The following AGAP3 variants were observed in gnomAD, a reference collection of about 807,000 sequenced individuals.
AGAP3 encodes the protein ArfGAP with GTPase domain, ankyrin repeat and PH domain 3.
AGAP3 carries 24 observed loss-of-function variants against 96.9 expected under a neutral mutation model. The observed-to-expected ratio is 0.25, with a 90% CI of 0.18 to 0.35. The LOEUF is 0.35. Among genes scored for constraint, AGAP3 ranks in the 10% least tolerant of loss-of-function variants. AGAP3 has a pLI of 1.00. For missense variants in AGAP3, 876 were observed against 1,254.2 expected (o/e 0.70, Z 4.55); for synonymous variants, 563 against 536.1 (o/e 1.05, Z -0.69).
intron 12 of AGAP3, among the ~76,000 whole-genome samples, chr7:151,138,563 C>T (rs916631158): frequency 1.3e-5 from 2 of 152,168 alleles, no homozygotes; most frequent in East Asian, 3.9e-4. Flanking sequence ...TTCCCCAGAG[C>T]CCCCATCTGC....
chr7:151,087,102 G>A, intron 1 of AGAP3, 30 bp downstream of exon 1: 4 of 1,565,708 alleles, frequency 2.6e-6, no homozygotes, highest in Non-Finnish European at 3.5e-6. Context: ...GCGGGAGCCG[G>A]GGCGCAGTGG....
intron 1 of AGAP3, chr7:151,115,410 G>A: frequency 2.0e-6 from 2 of 1,008,958 alleles, no homozygotes; most frequent in Non-Finnish European, 2.4e-6. Flanking sequence ...GCCGCCGCGC[G>A]CGCGCACCCG....
At chr7:151,115,056 G>A in intron 1 of AGAP3, 1 of 1,009,602 alleles carries the variant, frequency 9.9e-7, no homozygotes, top group Non-Finnish European at 1.2e-6. Context: ...GGGACCGCCC[G>A]TCTCGCCTGC....
chr7:151,089,321 G>A (rs750786125), intron 1 of AGAP3, among the ~76,000 whole-genome samples: 13 of 152,176 alleles, frequency 8.5e-5, no homozygotes, highest in Non-Finnish European at 1.3e-4. Flanking sequence ...GGGCGTTTCC[G>A]AGCACAGTCT....
chr7:151,118,267 C>T lies in AGAP3; in HGVS notation c.764C>T (p.Ser255Phe). 6.2e-7 allele frequency: 1 copy of T among 1,613,694 alleles called. No individual in the cohort carries two copies. Among genetic ancestry groups the T allele is most frequent in the African/African-American group, 1.3e-5 (1 of 75,046 alleles). ...VIDDSRARKL[S>F]TDLKRCTYYE... Reference sequence around the variant, plus strand: ...GACGACAGCAGAGCCCGCAAGCTCTCCACAGATCTGAAGCGGTGCACCTAC... The same window carrying T: ...GACGACAGCAGAGCCCGCAAGCTCTTCACAGATCTGAAGCGGTGCACCTAC... Residue 255 changes from serine to phenylalanine, a missense_variant, in exon 6 of 18, where the codon TCC becomes TTC. Ser to Phe is a radical substitution (Grantham distance 155). Coordinates refer to ENST00000397238, the MANE Select transcript of AGAP3 (RefSeq NM_031946.7). This position sits in a 1 kb window ranked among gnomAD's most constrained non-coding sequence, Gnocchi z 6.1.
Position 151,141,593 on chromosome 7 carries a change from C to A in AGAP3, c.1805-305C>A, listed in dbSNP as rs571298953. 1.2e-5 allele frequency: 5 copies of A among 403,580 alleles called. No individual in the cohort carries two copies. The highest frequency in any genetic ancestry group is 2.3e-5 in the Non-Finnish European group (5 of 216,914). The allele number at this position is 403,580 out of a possible 1,614,324, so 25.0% of individuals were successfully genotyped here. A position where few individuals can be genotyped will look rare whatever the true frequency, so the allele number is the denominator to read the frequency against. Reference sequence around the variant, plus strand: ...ACTCAGCTCTTTCTGTGGGATGCACCCCTCTCTGGTTTCACACCCATTCCC... The same window carrying A: ...ACTCAGCTCTTTCTGTGGGATGCACACCTCTCTGGTTTCACACCCATTCCC... On this transcript the variant is annotated intron_variant, in intron 13 of 17. Transcript: ENST00000397238. This position sits in a 1 kb window ranked among gnomAD's most constrained non-coding sequence, Gnocchi z 4.2.
intron 1 of AGAP3, among the ~76,000 whole-genome samples, chr7:151,095,080 G>A (rs1407344971): frequency 6.6e-6 from 1 of 152,182 alleles, no homozygotes; most frequent in Non-Finnish European, 1.5e-5. Context: ...GGTCTGTGTT[G>A]CCCAGGCTGG....
At chr7:151,091,282 G>A (rs1798389477) in intron 1 of AGAP3, among the ~76,000 whole-genome samples, 1 of 152,220 alleles carries the variant, frequency 6.6e-6, no homozygotes, top group South Asian at 2.1e-4. Context: ...AGGCCCCTCT[G>A]GCAATTCGTT....
Position 151,121,717 on chromosome 7 carries a change from C to A in AGAP3, c.1128+1572C>A, listed in dbSNP as rs368064654. Among the ~76,000 whole-genome samples the A allele has an allele frequency of 4.6e-5, 7 of 152,298 alleles. No homozygotes were observed. In the East Asian group the frequency reaches 5.8e-4, roughly 13 times the overall value. On this transcript the variant is annotated intron_variant, in intron 8 of 17. Transcript: ENST00000397238. ...CCTCTGGCGCTTCCATTCTCTCCAT[C>A]CTCACAGCGGCGACCTTATATTTTC...
intron 1 of AGAP3, among the ~76,000 whole-genome samples, chr7:151,099,715 G>T (rs1798761247): frequency 6.6e-6 from 1 of 152,220 alleles, no homozygotes. Context: ...CCTGCTAGGG[G>T]CTTCCCTCGG....
Position 151,143,868 on chromosome 7 carries a change from G to A in AGAP3, c.2661G>A (p.Ala887=), listed in dbSNP as rs899116049. The change falls in exon 18 of 18, where the codon GCG becomes GCA. Residue 887 remains alanine, a synonymous_variant. Transcript: ENST00000397238. This position sits in a 1 kb window ranked among gnomAD's most constrained non-coding sequence, Gnocchi z 5.9. ...HGCPGEGCGL[A]PTPNREPANG... Reference sequence around the variant, plus strand: ...GCCCTGGGGAGGGCTGTGGCTTAGCGCCTACCCCCAACAGAGAGCCTGCCA... The same window carrying A: ...GCCCTGGGGAGGGCTGTGGCTTAGCACCTACCCCCAACAGAGAGCCTGCCA... The A allele has an allele frequency of 1.7e-5, 28 of 1,613,810 alleles. No individual in the cohort carries two copies. Among genetic ancestry groups the A allele is most frequent in the South Asian group, 3.3e-5 (3 of 91,088 alleles).
At chr7:151,094,453 G>A (rs1011669448) in intron 1 of AGAP3, among the ~76,000 whole-genome samples, 3 of 148,702 alleles carry the variant, frequency 2.0e-5, no homozygotes, top group African/African-American at 7.5e-5. Flanking sequence ...CACTTCCCCG[G>A]CACCCCTTCT....
In AGAP3 at chr7:151,143,538, C is replaced by T. The variant is rs761050185; in HGVS notation, c.2471C>T (p.Thr824Met). 9.9e-6 allele frequency: 16 copies of T among 1,613,654 alleles called. No individual in the cohort carries two copies. Among genetic ancestry groups the T allele is most frequent in the South Asian group, 2.2e-5 (2 of 90,994 alleles). Residue 824 changes from threonine (T) to methionine (M), a missense_variant, in exon 17 of 18, where the codon ACG becomes ATG. By Grantham distance (81) the Thr-to-Met change is moderately conservative. Around this residue, in one of 8 missense-constraint regions of AGAP3, gnomAD observed 213 missense variants for 253.8 expected, o/e 0.84. Transcript: ENST00000397238. The surrounding 1 kb of genome is among the most constrained non-coding windows in gnomAD (Gnocchi z 5.9). ...NETYGDGDGR[T>M]ALHLSSAMAN... ...ACCTATGGGGACGGGGACGGGCGGA[C>T]GGCTCTACATCTCTCCAGTGCCATG...
chr7:151,110,580 A>G (rs939416498), intron 1 of AGAP3, among the ~76,000 whole-genome samples: 3 of 152,146 alleles, frequency 2.0e-5, no homozygotes, highest in Non-Finnish European at 4.4e-5. Flanking sequence ...CTTTGCTGAG[A>G]GGTGACCAGG....
intron 1 of AGAP3, among the ~76,000 whole-genome samples, chr7:151,103,224 G>C (rs1489161767): frequency 6.6e-6 from 1 of 152,234 alleles, no homozygotes; most frequent in Non-Finnish European, 1.5e-5. Flanking sequence ...CAGATGTAAA[G>C]GAAATGGCCC....
chr7:151,135,002 G>A (rs760553200), intron 11 of AGAP3, among the ~76,000 whole-genome samples: 5 of 152,152 alleles, frequency 3.3e-5, no homozygotes, highest in South Asian at 2.1e-4. Flanking sequence ...AGTGAGAGGC[G>A]GGTCTCTGCT....
chr7:151,095,119 C>T (rs746552920), intron 1 of AGAP3, among the ~76,000 whole-genome samples: 46 of 152,212 alleles, frequency 3.0e-4, no homozygotes, highest in Non-Finnish European at 3.5e-4. Flanking sequence ...AAGTGATGCT[C>T]CTGCCTCCAC....
intron 1 of AGAP3, among the ~76,000 whole-genome samples, chr7:151,100,110 AG>A (rs1381217470): frequency 2.0e-4 from 31 of 152,314 alleles, no homozygotes; most frequent in African/African-American, 7.5e-4. Flanking sequence ...GACAGGCTGC[AG>A]GGGGCAGCCC....
intron 1 of AGAP3, among the ~76,000 whole-genome samples, chr7:151,100,634 C>A (rs528820420): frequency 1.3e-5 from 2 of 152,278 alleles, no homozygotes; most frequent in East Asian, 3.9e-4. Context: ...GAGTTCACGA[C>A]CAGCATAGGC....
Sources: gnomAD v4.1 joint callset for allele counts (sites outside exome capture counted in the v4.1 genomes callset) on GRCh38, gnomAD v4.1.1 for gene constraint, gnomAD v4.1.1 regional missense constraint, Gnocchi (gnomAD v3.1) non-coding constraint, MANE v1.5 for transcripts, NCBI Gene and HGNC (gene_info 2026-07-23, HGNC 2026-07-21) for gene names.